The following PEAK1 variants were observed in gnomAD, a reference collection of about 807,000 sequenced individuals.
The protein encoded by PEAK1 is inactive tyrosine-protein kinase PEAK1.
In PEAK1, 54 loss-of-function variants were observed where a neutral mutation model predicts 124.7. That is an observed-to-expected ratio of 0.43 (90% CI 0.35 to 0.54). The LOEUF is 0.54. Ranked by LOEUF, PEAK1 falls within the 20% of genes least tolerant of loss-of-function variation. The probability of loss-of-function intolerance (pLI) is 0.01; values close to 1 mark genes in which losing one functional copy is unlikely to be tolerated. For missense variants in PEAK1, 2,046 were observed against 2,134.5 expected (o/e 0.96, Z 0.82); for synonymous variants, 719 against 760.0 (o/e 0.95, Z 0.89).
intron 8 of PEAK1, chr15:77,156,565 T>C (rs2055174746): frequency 6.6e-6 from 1 of 152,444 alleles, no homozygotes; most frequent in Admixed American, 6.5e-5. Context: ...CAGATGGAAA[T>C]GCAGAAATCA....
At chr15:77,418,795 TATACAC>T (rs2073100194) in intron 1 of PEAK1, 1 of 985,198 alleles carries the variant, frequency 1.0e-6, no homozygotes, top group South Asian at 4.7e-5. Flanking sequence ...GTTCTCTGAC[TATACAC>T]ATCACTACAT....
intron 5 of PEAK1, among the ~76,000 whole-genome samples, chr15:77,260,405 C>T (rs1043980276): frequency 9.2e-5 from 14 of 151,568 alleles, no homozygotes; most frequent in African/African-American, 3.1e-4. Context: ...GAAATGTGGC[C>T]CATAACCAGA....
chr15:77,324,446 G>A (rs188602306), intron 2 of PEAK1, among the ~76,000 whole-genome samples: 1 of 152,212 alleles, frequency 6.6e-6, no homozygotes, highest in African/African-American at 2.4e-5. Flanking sequence ...ACACCACTGG[G>A]CGACAGAGTG....
At chr15:77,339,179 T>A (rs897575010) in intron 2 of PEAK1, among the ~76,000 whole-genome samples, 1 of 151,912 alleles carries the variant, frequency 6.6e-6, no homozygotes, top group Non-Finnish European at 1.5e-5. Context: ...ACTGCAATCA[T>A]GCCTCACTGC....
chr15:77,214,480 C>T (rs1218503478), intron 6 of PEAK1, among the ~76,000 whole-genome samples: 5 of 151,204 alleles, frequency 3.3e-5, no homozygotes, highest in African/African-American at 1.2e-4. Flanking sequence ...AAAAATTAGC[C>T]GGGCATGGTG....
chr15:77,172,951 A>C (rs1163578223), intron 7 of PEAK1, among the ~76,000 whole-genome samples: 3 of 152,136 alleles, frequency 2.0e-5, no homozygotes, highest in African/African-American at 7.2e-5. Context: ...ACAAGGTCTC[A>C]TTATGTTACC....
intron 2 of PEAK1, among the ~76,000 whole-genome samples, chr15:77,357,157 G>C (rs1032134019): frequency 5.3e-5 from 8 of 152,244 alleles, no homozygotes; most frequent in African/African-American, 1.9e-4. Flanking sequence ...TGTAGTCCCA[G>C]TTACTTGGGA....
At chr15:77,115,665 C>A (rs2051306106) in intron 9 of PEAK1, among the ~76,000 whole-genome samples, 1 of 152,184 alleles carries the variant, frequency 6.6e-6, no homozygotes, top group Non-Finnish European at 1.5e-5. Flanking sequence ...TCCACTATAA[C>A]CTTGCACCTC....
intron 2 of PEAK1, among the ~76,000 whole-genome samples, chr15:77,319,393 A>G (rs2153014415): frequency 6.6e-6 from 1 of 152,354 alleles, no homozygotes; most frequent in East Asian, 1.9e-4. Flanking sequence ...ATAAGTGTAT[A>G]CTGATTATAC....
At chr15:77,307,693 A>G (rs2064181999) in intron 2 of PEAK1, among the ~76,000 whole-genome samples, 1 of 152,020 alleles carries the variant, frequency 6.6e-6, no homozygotes, top group African/African-American at 2.4e-5. Context: ...TGTAAGCTGG[A>G]TCATATAGAG....
At chr15:77,192,754 C>A (rs575756761) in intron 6 of PEAK1, among the ~76,000 whole-genome samples, 9 of 152,300 alleles carry the variant, frequency 5.9e-5, no homozygotes, top group African/African-American at 2.2e-4. Flanking sequence ...AAATCAACAA[C>A]ACTCAAGGCC....
At chr15:77,157,314 T>C (rs2055242074) in intron 8 of PEAK1, 1 of 152,274 alleles carries the variant, frequency 6.6e-6, no homozygotes, top group African/African-American at 2.4e-5. Flanking sequence ...ATATGAATCT[T>C]GCTTGTGCTC....
intron 2 of PEAK1, chr15:77,334,212 G>A (rs554793044): frequency 1.4e-5 from 14 of 983,234 alleles, no homozygotes; most frequent in African/African-American, 5.2e-5. Flanking sequence ...ACATTTAGAC[G>A]TAACTAACCA....
downstream of PEAK1, chr15:77,105,651 A>C (rs1202573583): frequency 6.6e-6 from 1 of 152,290 alleles, no homozygotes. Context: ...CTCACTTATA[A>C]GGAAGCATAA....
At chr15:77,363,622 TCTTG>T (rs1321035360) in intron 2 of PEAK1, among the ~76,000 whole-genome samples, 1 of 152,148 alleles carries the variant, frequency 6.6e-6, no homozygotes, top group Non-Finnish European at 1.5e-5. Flanking sequence ...AGCTTTAACT[TCTTG>T]CTTATCCTAA....
At chr15:77,186,084 T>C (rs557206051) in intron 6 of PEAK1, among the ~76,000 whole-genome samples, 1 of 152,166 alleles carries the variant, frequency 6.6e-6, no homozygotes, top group Non-Finnish European at 1.5e-5. Context: ...ATAAAGAAAA[T>C]AGAAACCATA....
chr15:77,233,766 T>C (rs888893076), intron 6 of PEAK1, among the ~76,000 whole-genome samples: 2 of 152,244 alleles, frequency 1.3e-5, no homozygotes. Context: ...CTTATAATTA[T>C]TAATTCAGAG....
intron 1 of PEAK1, among the ~76,000 whole-genome samples, chr15:77,391,246 C>G (rs1192612141): frequency 1.3e-5 from 2 of 152,038 alleles, no homozygotes; most frequent in Admixed American, 6.6e-5. Flanking sequence ...TGCTCTGAAA[C>G]AAGAACTGTG....
In PEAK1 at chr15:77,313,728, A is replaced by G. The variant is rs11632412; in HGVS notation, c.-602-27224T>C. 1.2e-3 allele frequency among the ~76,000 whole-genome samples: 150 copies of G among 121,156 alleles called. 1 individual carries two copies. Among genetic ancestry groups the G allele is most frequent in the Middle Eastern group, 4.2e-3 (1 of 240 alleles). 79.5% of individuals were successfully genotyped at this position (121,156 alleles called of 152,430 possible). A position where few individuals can be genotyped will look rare whatever the true frequency, so the allele number is the denominator to read the frequency against. On this transcript the variant is annotated intron_variant, in intron 2 of 9. Coordinates refer to ENST00000682557, the MANE Select transcript of PEAK1 (RefSeq NM_001385026.1). ...TATGTATGTGTGTGTGTGTGTGTGT[A>G]TATATATATATATTTATTTATTTAT...
Sources: allele counts gnomAD v4.1 joint callset (sites outside exome capture counted in the v4.1 genomes callset), GRCh38; gene constraint gnomAD v4.1.1; transcripts MANE v1.5; gene names NCBI Gene and HGNC (gene_info 2026-07-23, HGNC 2026-07-21).